The following NPFFR1 variants were observed in gnomAD, a reference collection of about 807,000 sequenced individuals.
NPFFR1 encodes G-protein coupled receptor 147.
Under a neutral mutation model 12.7 loss-of-function variants are expected in NPFFR1, and 17 were observed. The observed-to-expected ratio is 1.34, with a 90% confidence interval of 0.92 to 2.01. The LOEUF is 2.01. Among genes scored for constraint, NPFFR1 ranks in the 30% most tolerant of loss-of-function variants. The probability of loss-of-function intolerance (pLI) is 0.00; values close to 1 mark genes in which losing one functional copy is unlikely to be tolerated. For synonymous variants in NPFFR1, 296 were observed against 264.5 expected (o/e 1.12, Z -1.16); for missense variants, 604 against 606.5 (o/e 1.00, Z 0.04).
chr10:70,282,411 C>G (rs1395597747), intron 1 of NPFFR1, among the ~76,000 whole-genome samples: 1 of 152,224 alleles, frequency 6.6e-6, no homozygotes, highest in Non-Finnish European at 1.5e-5. Context: ...GCCATTCTTA[C>G]AGATCTGCCA....
At chr10:70,260,501 C>A in intron 3 of NPFFR1, 139 bp downstream of exon 3, 1 of 761,532 alleles carries the variant, frequency 1.3e-6, no homozygotes, top group Non-Finnish European at 2.2e-6. Context: ...CAGGGCCCTT[C>A]TCCTTGTGGC....
rs1433692956 is a variant in NPFFR1, at chr10:70,249,481, T to C, written c.*5476A>G. 1.3e-5 allele frequency: 2 copies of C among 151,276 alleles called. No individual in the cohort carries two copies. The highest frequency in any genetic ancestry group is 4.9e-5 in the African/African-American group (2 of 41,216). 9.4% of individuals were successfully genotyped at this position (151,276 alleles called of 1,614,324 possible). A position where few individuals can be genotyped will look rare whatever the true frequency, so the allele number is the denominator to read the frequency against. On this transcript the variant is annotated 3_prime_UTR_variant, in exon 4 of 4. Transcript: ENST00000277942. ...TGCTAAAGTCTCTACAATAAAATAT[T>C]ATTATTATTATTATTATTTGAGATG...
chr10:70,277,999 T>C, intron 1 of NPFFR1: 1 of 519,522 alleles, frequency 1.9e-6, no homozygotes, highest in Middle Eastern at 3.2e-4. Flanking sequence ...CCAATAATTA[T>C]CTTTTCTGTC....
chr10:70,257,302 ATGT>A (rs1840582226), intron 3 of NPFFR1, among the ~76,000 whole-genome samples: 3 of 152,320 alleles, frequency 2.0e-5, no homozygotes, highest in Non-Finnish European at 4.4e-5. Context: ...CTTTGCTGAG[ATGT>A]TGTTAATTTG....
intron 1 of NPFFR1, among the ~76,000 whole-genome samples, chr10:70,280,882 A>G (rs969485926): frequency 1.3e-5 from 2 of 152,130 alleles, no homozygotes; most frequent in African/African-American, 2.4e-5. Flanking sequence ...CATGCCTGTA[A>G]TCCCAGCTAC....
In NPFFR1 at chr10:70,283,719, G is replaced by C. The variant is rs1283780254; in HGVS notation, c.-43C>G. On this transcript the variant is annotated 5_prime_UTR_variant, in exon 1 of 4. Transcript: ENST00000277942. The stretch of plus-strand genomic sequence containing the variant: ...GCTCCGGCGGTCTCCGATGGCGGGA[G>C]GCAGCGGGCCCCTTCGGGCCAGCGG... 3 of 1,533,810 alleles carry C rather than the reference G, an allele frequency of 2.0e-6. No individual in the cohort carries two copies. In the South Asian group the frequency reaches 3.6e-5, roughly 18 times the overall value.
At chr10:70,256,594 A>C (rs1411094427) in intron 3 of NPFFR1, among the ~76,000 whole-genome samples, 1 of 152,226 alleles carries the variant, frequency 6.6e-6, no homozygotes, top group East Asian at 1.9e-4. Context: ...TCTACAATGC[A>C]AGGACAAGTC....
rs924286218 is a variant in NPFFR1, at chr10:70,252,481, T to C, written c.*2476A>G. 4 of 152,226 alleles carry C rather than the reference T, an allele frequency of 2.6e-5. No homozygotes were observed. Among genetic ancestry groups the C allele is most frequent in the Admixed American group, 2.6e-4 (4 of 15,288 alleles). The allele number at this position is 152,226 out of a possible 1,614,324, so 9.4% of individuals were successfully genotyped here. A position where few individuals can be genotyped will look rare whatever the true frequency, so the allele number is the denominator to read the frequency against. ...ATGGTTACACAACAATGTGAATATA[T>C]TTAATTCCAGTCCTGTACACTTAAA... is the stretch of plus-strand genomic sequence containing the variant. On this transcript the variant is annotated 3_prime_UTR_variant, in exon 4 of 4. Coordinates refer to ENST00000277942, the MANE Select transcript of NPFFR1 (RefSeq NM_022146.5).
intron 1 of NPFFR1, among the ~76,000 whole-genome samples, chr10:70,282,125 G>T (rs377286794): frequency 6.6e-6 from 1 of 152,090 alleles, no homozygotes; most frequent in Admixed American, 6.5e-5. Context: ...CCTCTGGGTC[G>T]CTGGGATGTC....
chr10:70,280,430 G>A (rs1840848479), intron 1 of NPFFR1, among the ~76,000 whole-genome samples: 1 of 152,128 alleles, frequency 6.6e-6, no homozygotes, highest in Non-Finnish European at 1.5e-5. Flanking sequence ...ATCCTGACAG[G>A]TATGAGATGA....
At chr10:70,267,959 G>C (rs192493030) in intron 1 of NPFFR1, among the ~76,000 whole-genome samples, 2 of 152,310 alleles carry the variant, frequency 1.3e-5, no homozygotes, top group Non-Finnish European at 2.9e-5. Context: ...CCAGGTTTAG[G>C]CCTTCCAAGG....
At position 70,272,133 on chromosome 10, in the gene NPFFR1, GAAAT is replaced by G. The variant is rs751276570; in HGVS notation, c.8-5746_8-5743del. Among the ~76,000 whole-genome samples the G allele has an allele frequency of 2.3e-3, 233 of 99,654 alleles. 5 individuals carry two copies. Among genetic ancestry groups the G allele is most frequent in the Middle Eastern group, 4.2e-3 (1 of 236 alleles). The allele number at this position is 99,654 out of a possible 152,430, so 65.4% of individuals were successfully genotyped here. A position where few individuals can be genotyped will look rare whatever the true frequency, so the allele number is the denominator to read the frequency against. Reference sequence around the variant, plus strand: ...CTCTGCCTCAAAAAAGAGAAAGAAAGAAATAAAGAGAAAGGGAGAGAGAGAGAGA... The same window carrying G: ...CTCTGCCTCAAAAAAGAGAAAGAAAGAAAGAGAAAGGGAGAGAGAGAGAGA... On this transcript the variant is annotated intron_variant, in intron 1 of 3. Transcript: ENST00000277942.
Position 70,260,700 on chromosome 10 carries a change from A to G in NPFFR1, c.362T>C (p.Leu121Ser), listed in dbSNP as rs1392666974. 1 of 1,610,174 alleles carries G rather than the reference A, an allele frequency of 6.2e-7. No homozygotes were observed. ...FDNATCKMSG[L>S]VQGMSVSASV... is the part of the protein sequence containing the mutation. ...AGCCGACACAGACATGCCCTGCACC[A>G]AGCCGCTCATCTTGCATGTGGCATT... is the stretch of plus-strand genomic sequence containing the variant. Residue 121 changes from leucine to serine, a missense_variant, in exon 3 of 4, where the codon TTG becomes TCG. Transcript: ENST00000277942.
At chr10:70,280,684 C>G (rs578162907) in intron 1 of NPFFR1, among the ~76,000 whole-genome samples, 23 of 152,188 alleles carry the variant, frequency 1.5e-4, no homozygotes, top group Admixed American at 1.2e-3. Flanking sequence ...TTTGAAAACG[C>G]TTTTTTGTTT....
chr10:70,276,338 C>T (rs1380318880), intron 1 of NPFFR1, among the ~76,000 whole-genome samples: 4 of 152,124 alleles, frequency 2.6e-5, no homozygotes, highest in African/African-American at 7.2e-5. Context: ...GGTTACTTAA[C>T]GTTCTCTCTC....
At chr10:70,277,427 G>T (rs1179267237) in intron 1 of NPFFR1, among the ~76,000 whole-genome samples, 1 of 152,208 alleles carries the variant, frequency 6.6e-6, no homozygotes, top group African/African-American at 2.4e-5. Context: ...GCCCCAGGAT[G>T]ATGATATGCT....
chr10:70,265,293 CTCTAGGGGT>C (rs1483478180), intron 2 of NPFFR1, among the ~76,000 whole-genome samples: 1 of 152,204 alleles, frequency 6.6e-6, no homozygotes, highest in Non-Finnish European at 1.5e-5. Flanking sequence ...AGGCTCAGAC[CTCTAGGGGT>C]CTCCATATCT....
At position 70,252,056 on chromosome 10, in the gene NPFFR1, A is replaced by C. The variant is rs182766081; in HGVS notation, c.*2901T>G. On this transcript the variant is annotated 3_prime_UTR_variant, in exon 4 of 4. Coordinates refer to ENST00000277942, the MANE Select transcript of NPFFR1 (RefSeq NM_022146.5). ...CTCTGTCCTCAGGATTCACACAGGCACTATTGTCAGGAACTACTTCTAGCA... is the reference window on the plus strand; with the variant it reads ...CTCTGTCCTCAGGATTCACACAGGCCCTATTGTCAGGAACTACTTCTAGCA... 1 of 152,224 alleles carries C rather than the reference A, an allele frequency of 6.6e-6. No homozygotes were observed. Among genetic ancestry groups the C allele is most frequent in the Non-Finnish European group, 1.5e-5 (1 of 68,046 alleles). 9.4% of individuals were successfully genotyped at this position (152,224 alleles called of 1,614,324 possible).
chr10:70,268,108 T>C (rs955194025), intron 1 of NPFFR1, among the ~76,000 whole-genome samples: 2 of 152,164 alleles, frequency 1.3e-5, no homozygotes, highest in Admixed American at 6.5e-5. Context: ...AGAACCCCCA[T>C]GTATACATCA....
Sources: gnomAD v4.1 joint callset for allele counts (sites outside exome capture counted in the v4.1 genomes callset) on GRCh38, gnomAD v4.1.1 for gene constraint, MANE v1.5 for transcripts, NCBI Gene and HGNC (gene_info 2026-07-23, HGNC 2026-07-21) for gene names.